CACNA1C: variants seen among roughly 807,000 people sequenced by gnomAD.
CACNA1C encodes calcium voltage-gated channel subunit alpha1 C.
CACNA1C carries 30 observed loss-of-function variants against 229.0 expected under a neutral mutation model. The ratio of observed to expected loss-of-function variants is 0.13; its 90% CI spans 0.10 to 0.18. The LOEUF (loss-of-function observed/expected upper bound fraction) is 0.18. Ranked by LOEUF, CACNA1C falls within the 10% of genes least tolerant of loss-of-function variation. The pLI is 1.00. For missense variants in CACNA1C, 1,658 were observed against 2,845.0 expected, an observed-to-expected ratio of 0.58 and a Z score of 9.49; for synonymous variants, 1,114 against 1,132.5, an observed-to-expected ratio of 0.98 and a Z score of 0.33.
chr12:2,457,612 A>G lies in CACNA1C; in HGVS notation c.663A>G (p.Ala221=). Reference sequence around the variant, plus strand: ...AACAAGCAACCAAAGCAGATGGGGCAAACGCTCTCGGAGGGAAAGGGGCCG... The same window carrying G: ...AACAAGCAACCAAAGCAGATGGGGCGAACGCTCTCGGAGGGAAAGGGGCCG... ...ILEQATKADG[A]NALGGKGAGF... Residue 221 remains alanine, a synonymous_variant, in exon 5 of 47, where the codon GCA becomes GCG. Transcript: ENST00000399655. The G allele has an allele frequency of 6.2e-7, 1 of 1,612,914 alleles. No homozygotes were observed. Among genetic ancestry groups the G allele is most frequent in the Admixed American group, 1.7e-5 (1 of 59,926 alleles).
intron 3 of CACNA1C, among the ~76,000 whole-genome samples, chr12:2,428,241 C>T (rs536188062): frequency 6.6e-6 from 1 of 152,338 alleles, no homozygotes; most frequent in African/African-American, 2.4e-5. Context: ...GCCATCCCTA[C>T]CCTGCAAACC....
chr12:2,513,552 T>C (rs1039225949), intron 9 of CACNA1C, among the ~76,000 whole-genome samples: 2 of 152,168 alleles, frequency 1.3e-5, no homozygotes, highest in Non-Finnish European at 2.9e-5. Context: ...TGCAATTAGG[T>C]GATGGAAGTT....
In CACNA1C at chr12:2,608,553, C is replaced by T. The variant is rs749617983; in HGVS notation, c.3399C>T (p.Gly1133=). ...RSIDSHTEDK[G]PIYNYRVEIS... is the part of the protein sequence containing the mutation. ...TCGACTCCCACACGGAAGACAAGGG[C>T]CCCATCTACAACTACCGTGTGGAGA... The change falls in exon 27 of 47, where the codon GGC becomes GGT. Residue 1133 remains glycine, a synonymous_variant. Coordinates refer to ENST00000399655, the MANE Select transcript of CACNA1C (RefSeq NM_000719.7). This position sits in a 1 kb window ranked among gnomAD's most constrained non-coding sequence, Gnocchi z 4.2. 5 of 1,613,320 alleles carry T rather than the reference C, an allele frequency of 3.1e-6. No individual in the cohort carries two copies. In the Admixed American group the frequency reaches 5.0e-5, roughly 16 times the overall value.
In CACNA1C at chr12:2,504,310, G is replaced by C. The variant is rs2099766891; in HGVS notation, c.1114-532G>C. The C allele has an allele frequency of 1.5e-6, 1 of 651,000 alleles. No homozygotes were observed. Among genetic ancestry groups the C allele is most frequent in the Non-Finnish European group, 2.8e-6 (1 of 355,108 alleles). 40.3% of individuals were successfully genotyped at this position (651,000 alleles called of 1,614,324 possible). A position where few individuals can be genotyped will look rare whatever the true frequency, so the allele number is the denominator to read the frequency against. ...TGCCCTGGGTAACACGGGTAACCTG[G>C]TGCACATGAACAAAGCCCACGTTCA... On this transcript the variant is annotated intron_variant, in intron 7 of 46. Coordinates refer to ENST00000399655, the MANE Select transcript of CACNA1C (RefSeq NM_000719.7). This position sits in a 1 kb window ranked among gnomAD's most constrained non-coding sequence, Gnocchi z 6.8.
chr12:2,364,048 C>T (rs1390843024), intron 3 of CACNA1C, among the ~76,000 whole-genome samples: 1 of 152,202 alleles, frequency 6.6e-6, no homozygotes, highest in Non-Finnish European at 1.5e-5. Flanking sequence ...CCCTGGTCTT[C>T]TCCAAGGACA....
chr12:2,433,859 C>G, intron 3 of CACNA1C, among the ~76,000 whole-genome samples: 1 of 152,136 alleles, frequency 6.6e-6, no homozygotes, highest in East Asian at 1.9e-4. Context: ...ATGGGCCCTT[C>G]GCATGGCTGG....
In CACNA1C at chr12:2,647,848, C is replaced by G. The variant is rs868796969; in HGVS notation, c.3913-627C>G. 1.2e-4 allele frequency among the ~76,000 whole-genome samples: 19 copies of G among 152,300 alleles called. No individual in the cohort carries two copies. Among genetic ancestry groups the G allele is most frequent in the Middle Eastern group, 6.8e-3 (2 of 294 alleles). ...AAAAAACAAATTAAAACAGGCTTGG[C>G]ACAGTGGCTTACACCGGTAATCCCA... On this transcript the variant is annotated intron_variant, in intron 30 of 46. Coordinates refer to ENST00000399655, the MANE Select transcript of CACNA1C (RefSeq NM_000719.7). The surrounding 1 kb of genome is among the most constrained non-coding windows in gnomAD (Gnocchi z 4.2).
chr12:2,444,326 TA>T (rs1404482675), intron 3 of CACNA1C, among the ~76,000 whole-genome samples: 2 of 152,202 alleles, frequency 1.3e-5, no homozygotes, highest in Non-Finnish European at 2.9e-5. Flanking sequence ...AGATAACCTT[TA>T]AGTTTCTTTC....
In CACNA1C at chr12:2,567,585, C is replaced by T. The variant is rs748256548; in HGVS notation, c.1686C>T (p.Ala562=). 15 of 1,590,760 alleles carry T rather than the reference C, an allele frequency of 9.4e-6. No homozygotes were observed. The African/African-American group carries it at 1.6e-4, about 17-fold the overall frequency. The change falls in exon 13 of 47, where the codon GCC becomes GCT. Residue 562 remains alanine (A), a synonymous_variant. Transcript: ENST00000399655. The part of the protein sequence containing the change: ...LTEVQDTANK[A]LLALFTAEML... Reference sequence around the variant, plus strand: ...GCCTGCCAGACACGGCAAACAAGGCCCTGCTGGCCCTGTTCACGGCAGAGA... The same window carrying T: ...GCCTGCCAGACACGGCAAACAAGGCTCTGCTGGCCCTGTTCACGGCAGAGA...
chr12:2,470,198 C>A (rs1227689047), intron 5 of CACNA1C, among the ~76,000 whole-genome samples: 2 of 152,162 alleles, frequency 1.3e-5, no homozygotes, highest in African/African-American at 4.8e-5. Context: ...ATTAAGCACT[C>A]ATCTTGAGCC....
At chr12:2,060,620 C>A (rs1316579488) in intron 1 of CACNA1C, among the ~76,000 whole-genome samples, 2 of 152,224 alleles carry the variant, frequency 1.3e-5, no homozygotes, top group South Asian at 2.1e-4. Context: ...ATGAGCCAGG[C>A]TCATGCTTAG....
chr12:2,182,723 G>A (rs1232652979), intron 3 of CACNA1C, among the ~76,000 whole-genome samples: 2 of 152,154 alleles, frequency 1.3e-5, no homozygotes. Context: ...ATGTGCGCCT[G>A]AGCATCCCTG....
chr12:2,191,051 C>T (rs1408540288), intron 3 of CACNA1C, among the ~76,000 whole-genome samples: 3 of 152,120 alleles, frequency 2.0e-5, no homozygotes, highest in Non-Finnish European at 4.4e-5. Flanking sequence ...AGTGCCGTGC[C>T]CAGGAGGAAG....
intron 1 of CACNA1C, among the ~76,000 whole-genome samples, chr12:2,018,686 A>G (rs577641616): frequency 1.3e-5 from 2 of 152,336 alleles, no homozygotes; most frequent in South Asian, 2.1e-4. Context: ...GCACAACTCA[A>G]CTAATTTGGG....
At chr12:2,458,142 A>T (rs972908680) in intron 5 of CACNA1C, among the ~76,000 whole-genome samples, 2 of 152,208 alleles carry the variant, frequency 1.3e-5, no homozygotes, top group African/African-American at 4.8e-5. Context: ...GGATGTTCTA[A>T]AAGTTCTGTT....
chr12:2,696,572 C>T lies in CACNA1C; in HGVS notation c.*5373C>T, dbSNP rs192797869. 3.4e-5 allele frequency: 5 copies of T among 148,264 alleles called. No individual in the cohort carries two copies. The East Asian group carries it at 9.9e-4, about 29-fold the overall frequency. The allele number at this position is 148,264 out of a possible 1,614,324, so 9.2% of individuals were successfully genotyped here. ...ACATTGTACATTCATTTCTAAAATT[C>T]ACTCATGCACCTCAAACCAAGGTCA... On this transcript the variant is annotated 3_prime_UTR_variant, in exon 47 of 47. Transcript: ENST00000399655.
chr12:2,485,837 G>A (rs1313103298), intron 5 of CACNA1C, among the ~76,000 whole-genome samples: 1 of 152,184 alleles, frequency 6.6e-6, no homozygotes. Flanking sequence ...GTTATGGATG[G>A]AAACAACATG....
Position 2,226,988 on chromosome 12 carries a change from G to A in CACNA1C, c.477+106558G>A, listed in dbSNP as rs537521928. 5.9e-5 allele frequency among the ~76,000 whole-genome samples: 9 copies of A among 152,336 alleles called. No individual in the cohort carries two copies. In the South Asian group the frequency reaches 1.9e-3, roughly 32 times the overall value. Reference sequence around the variant, plus strand: ...AAATATGCCTGTCCTTAGCCCACTTGCAGATATTGCTGCCGTTACTGCTGA... The same window carrying A: ...AAATATGCCTGTCCTTAGCCCACTTACAGATATTGCTGCCGTTACTGCTGA... On this transcript the variant is annotated intron_variant, in intron 3 of 46. Transcript: ENST00000399655.
intron 9 of CACNA1C, among the ~76,000 whole-genome samples, chr12:2,516,888 C>T (rs1228303978): frequency 6.6e-6 from 1 of 152,166 alleles, no homozygotes; most frequent in Non-Finnish European, 1.5e-5. Flanking sequence ...AGATACTTAA[C>T]CCCTGGATCT....
Sources: allele counts gnomAD v4.1 joint callset (sites outside exome capture counted in the v4.1 genomes callset), GRCh38; gene constraint gnomAD v4.1.1; non-coding constraint Gnocchi (gnomAD v3.1); transcripts MANE v1.5; gene names NCBI Gene and HGNC (gene_info 2026-07-23, HGNC 2026-07-21).